Variants in ASAP1 observed in about 807,000 individuals in gnomAD.
The protein encoded by ASAP1 is ArfGAP with SH3 domain, ankyrin repeat and PH domain 1.
In ASAP1, 43 loss-of-function variants were observed where a neutral mutation model predicts 145.2. That is an observed-to-expected ratio of 0.30 (90% CI 0.23 to 0.38). ASAP1 has a LOEUF of 0.38. Ranked by LOEUF, ASAP1 falls within the 10% of genes least tolerant of loss-of-function variation. The probability of loss-of-function intolerance (pLI) is 1.00; values close to 1 mark genes in which losing one functional copy is unlikely to be tolerated. For missense variants in ASAP1, 1,018 were observed against 1,355.3 expected (o/e 0.75, Z 3.91); for synonymous variants, 546 against 515.5 (o/e 1.06, Z -0.80).
intron 4 of ASAP1, among the ~76,000 whole-genome samples, chr8:130,216,731 C>T (rs1237084885): frequency 6.6e-6 from 1 of 152,116 alleles, no homozygotes; most frequent in East Asian, 1.9e-4. Context: ...CCCAGAAAAA[C>T]CCACCCTCTG....
At chr8:130,282,902 G>C (rs918297261) in intron 3 of ASAP1, among the ~76,000 whole-genome samples, 1 of 152,158 alleles carries the variant, frequency 6.6e-6, no homozygotes, top group African/African-American at 2.4e-5. Context: ...CTGCGGCAAA[G>C]TTACAACAAC....
chr8:130,295,330 A>G (rs919348368), intron 3 of ASAP1, among the ~76,000 whole-genome samples: 1 of 152,080 alleles, frequency 6.6e-6, no homozygotes, highest in Non-Finnish European at 1.5e-5. Flanking sequence ...AACTCTGAAG[A>G]TAGTAACTCT....
intron 3 of ASAP1, among the ~76,000 whole-genome samples, chr8:130,305,506 G>C (rs1586796046): frequency 6.6e-6 from 1 of 152,094 alleles, no homozygotes; most frequent in Admixed American, 6.6e-5. Flanking sequence ...TGGGATTACA[G>C]GCGCCCACCA....
chr8:130,210,814 C>A (rs1266921583), intron 5 of ASAP1, among the ~76,000 whole-genome samples: 2 of 152,156 alleles, frequency 1.3e-5, no homozygotes, highest in Admixed American at 1.3e-4. Context: ...TGGGATATGA[C>A]TGATAGCTGT....
At chr8:130,310,148 A>AGGGGGGTGGGGGGGGGGG (rs1823250426) in intron 3 of ASAP1, among the ~76,000 whole-genome samples, 1 of 50,866 alleles carries the variant, frequency 2.0e-5, no homozygotes, top group Non-Finnish European at 4.1e-5. Context: ...TGGGGGGGGG[A>AGGGGGGTGGGGGGGGGGG]GGGGGGTGAG....
intron 3 of ASAP1, among the ~76,000 whole-genome samples, chr8:130,252,931 T>G (rs1477134269): frequency 6.6e-6 from 1 of 152,174 alleles, no homozygotes; most frequent in East Asian, 1.9e-4. Flanking sequence ...TACAGGATCC[T>G]ACTTCAAAAG....
At chr8:130,429,926 A>G (rs1010844662) in intron 1 of ASAP1, among the ~76,000 whole-genome samples, 4 of 152,126 alleles carry the variant, frequency 2.6e-5, no homozygotes, top group Non-Finnish European at 5.9e-5. Context: ...GCCTCCACTC[A>G]TTTCATGATG....
At chr8:130,397,891 G>T (rs1389357628) in intron 2 of ASAP1, among the ~76,000 whole-genome samples, 1 of 152,216 alleles carries the variant, frequency 6.6e-6, no homozygotes. Context: ...TAGATAAGAA[G>T]CCCCATGAGG....
chr8:130,325,505 A>C (rs545358272), intron 3 of ASAP1, among the ~76,000 whole-genome samples: 10 of 152,358 alleles, frequency 6.6e-5, no homozygotes, highest in African/African-American at 2.4e-4. Flanking sequence ...ATCTGTTCTT[A>C]AACTATGTGA....
intron 13 of ASAP1, among the ~76,000 whole-genome samples, chr8:130,137,772 T>G (rs558432576): frequency 3.3e-5 from 5 of 152,290 alleles, no homozygotes; most frequent in Middle Eastern, 6.8e-3. Context: ...ACAGACCCTA[T>G]AGTATCTAGA....
rs1479360768 is a variant in ASAP1, at chr8:130,358,570, A to G, written c.60-427T>C. ...GCGCTGCCTCCTCAGACGCGCTGACAGGCGGCGGCGCGGGCCTGACTGACT... is the reference window on the plus strand; with the variant it reads ...GCGCTGCCTCCTCAGACGCGCTGACGGGCGGCGGCGCGGGCCTGACTGACT... On this transcript the variant is annotated intron_variant, in intron 2 of 29. Coordinates refer to ENST00000518721, the MANE Select transcript of ASAP1 (RefSeq NM_018482.4). This position sits in a 1 kb window ranked among gnomAD's most constrained non-coding sequence, Gnocchi z 4.1. 5.5e-5 allele frequency among the ~76,000 whole-genome samples: 8 copies of G among 145,066 alleles called. No individual in the cohort carries two copies. The highest frequency in any genetic ancestry group is 2.0e-4 in the Admixed American group (3 of 14,724).
chr8:130,371,838 A>G (rs1043526088), intron 2 of ASAP1, among the ~76,000 whole-genome samples: 10 of 152,188 alleles, frequency 6.6e-5, no homozygotes, highest in African/African-American at 2.4e-4. Context: ...AACAAACATA[A>G]TTGCTAATGT....
chr8:130,416,201 G>A (rs1362530828), intron 1 of ASAP1, among the ~76,000 whole-genome samples: 3 of 152,112 alleles, frequency 2.0e-5, no homozygotes, highest in Non-Finnish European at 1.5e-5. Context: ...CGGAGGACAA[G>A]CCGCTGATTT....
chr8:130,287,909 T>A (rs1268250536), intron 3 of ASAP1, among the ~76,000 whole-genome samples: 2 of 152,132 alleles, frequency 1.3e-5, no homozygotes, highest in South Asian at 2.1e-4. Context: ...TTCAAACACA[T>A]ACCCTCTTGC....
At chr8:130,404,422 T>C (rs1348262035) in intron 1 of ASAP1, among the ~76,000 whole-genome samples, 1 of 152,234 alleles carries the variant, frequency 6.6e-6, no homozygotes, top group Non-Finnish European at 1.5e-5. Context: ...CAGGACAGTG[T>C]GGTACTGGCA....
chr8:130,440,226 C>G (rs1176443662), intron 1 of ASAP1, among the ~76,000 whole-genome samples: 1 of 152,168 alleles, frequency 6.6e-6, no homozygotes, highest in African/African-American at 2.4e-5. Flanking sequence ...GATCCATCCA[C>G]TTTTCATAAA....
chr8:130,438,994 T>C (rs1451038355), intron 1 of ASAP1, among the ~76,000 whole-genome samples: 7 of 152,114 alleles, frequency 4.6e-5, no homozygotes. Flanking sequence ...CAATGGAAAA[T>C]GAAGGTTGCA....
At chr8:130,384,811 T>C (rs1262008406) in intron 2 of ASAP1, among the ~76,000 whole-genome samples, 1 of 152,234 alleles carries the variant, frequency 6.6e-6, no homozygotes, top group Non-Finnish European at 1.5e-5. Context: ...CATTGTCCTG[T>C]AATTTGTTCT....
At chr8:130,216,134 A>C (rs1816916298) in intron 4 of ASAP1, among the ~76,000 whole-genome samples, 2 of 152,200 alleles carry the variant, frequency 1.3e-5, no homozygotes. Flanking sequence ...CCTTGGAAAA[A>C]CAATCTTGGA....
Sources: allele counts gnomAD v4.1 joint callset (sites outside exome capture counted in the v4.1 genomes callset), GRCh38; gene constraint gnomAD v4.1.1; non-coding constraint Gnocchi (gnomAD v3.1); transcripts MANE v1.5; gene names NCBI Gene and HGNC (gene_info 2026-07-23, HGNC 2026-07-21).